Variants in TTLL8 observed in about 807,000 individuals in gnomAD.
The protein encoded by TTLL8 is protein monoglycylase TTLL8.
Under a neutral mutation model 77.8 loss-of-function variants are expected in TTLL8, and 65 were observed. That is an observed-to-expected ratio of 0.84 (90% CI 0.68 to 1.03). The LOEUF is 1.03. Among genes scored for constraint, TTLL8 ranks in the 50% least tolerant of loss-of-function variants. TTLL8 has a pLI of 0.00. For synonymous variants in TTLL8, 402 were observed against 422.8 expected, an observed-to-expected ratio of 0.95 and a Z score of 0.60; for missense variants, 910 against 1,004.5, an observed-to-expected ratio of 0.91 and a Z score of 1.27.
At chr22:50,038,931 T>C (rs1268190191) in intron 8 of TTLL8, among the ~76,000 whole-genome samples, 1 of 152,258 alleles carries the variant, frequency 6.6e-6, no homozygotes, top group Non-Finnish European at 1.5e-5. Context: ...TTTTCTTTTC[T>C]ATTCTGAAAG....
At chr22:50,032,175 C>T (rs909460590) in intron 10 of TTLL8, 66 bp from the exon 12 acceptor site, 17 of 1,291,170 alleles carry the variant, frequency 1.3e-5, no homozygotes, top group South Asian at 1.2e-4. Context: ...AAGGCCGGTC[C>T]TCCCAGCCGT....
chr22:50,023,372 T>A (rs527894368), intron 12 of TTLL8, among the ~76,000 whole-genome samples: 1 of 152,242 alleles, frequency 6.6e-6, no homozygotes, highest in Admixed American at 6.5e-5. Flanking sequence ...TCAATAAACA[T>A]CCCAGCAGGT....
chr22:50,049,946 G>A (rs1221703976), intron 2 of TTLL8, 163 bp downstream of exon 4: 2 of 716,774 alleles, frequency 2.8e-6, no homozygotes, highest in Non-Finnish European at 3.4e-6. Context: ...ACGACCGCCT[G>A]GGGCAGGGAG....
Position 50,041,277 on chromosome 22 carries a change from C to T in TTLL8, c.831G>A (p.Gln277=), listed in dbSNP as rs748400460. ...AGACAATGCTACTCCCCAAAGGCAC[C>T]CTGAGGGGGTATCATCCTCTCAACA... Residue 277 remains glutamine, a splice_region_variant and synonymous_variant, in exon 8 of 14, where the codon CAG becomes CAA. Transcript: ENST00000266182. This position sits in a 1 kb window ranked among gnomAD's most constrained non-coding sequence, Gnocchi z 4.3. 3 of 506,192 alleles carry T rather than the reference C, an allele frequency of 5.9e-6. No homozygotes were observed. Among genetic ancestry groups the T allele is most frequent in the Non-Finnish European group, 1.2e-5 (3 of 251,472 alleles). 31.4% of individuals were successfully genotyped at this position (506,192 alleles called of 1,614,324 possible).
At chr22:50,058,168 G>C (rs1158934299), upstream of TTLL8, among the ~76,000 whole-genome samples, 1 of 151,948 alleles carries the variant, frequency 6.6e-6, no homozygotes, top group Non-Finnish European at 1.5e-5. The surrounding 1 kb of genome is among the most constrained non-coding windows in gnomAD (Gnocchi z 4.2). Flanking sequence ...GACCGGGTCA[G>C]TGGCTCGCGC....
rs746497451 is a variant in TTLL8 at position 50,031,778 on chromosome 22, C to A, written c.1615G>T (p.Ala539Ser). 9 of 1,366,164 alleles carry A rather than the reference C, an allele frequency of 6.6e-6. No homozygotes were observed. The South Asian group carries it at 1.0e-4, about 16-fold the overall frequency. 84.6% of individuals were successfully genotyped at this position (1,366,164 alleles called of 1,614,324 possible). ...TCCTGCACCTGTGCACACAGCTGGG[C>A]CGTGACCGGCGTGGACGGGTGCATG... Residue 539 changes from alanine (A) to serine (S), a missense_variant, in exon 11 of 14, where the codon GCC becomes TCC. Physicochemically the swap from Ala to Ser is moderately conservative, Grantham distance 99 (BLOSUM62 1). This residue lies in a region of TTLL8 where 776 missense variants were observed against 926.1 expected (regional missense o/e 0.84). Transcript: ENST00000266182.
At chr22:50,056,684 G>T, upstream of TTLL8, 1 of 898,906 alleles carries the variant, frequency 1.1e-6, no homozygotes, top group Non-Finnish European at 1.3e-6. The surrounding 1 kb of genome is among the most constrained non-coding windows in gnomAD (Gnocchi z 4.1). Context: ...AGGAGCCAGC[G>T]CCCCCCAACA....
Position 50,046,809 on chromosome 22 carries a change from G to T in TTLL8, c.393+359C>A, listed in dbSNP as rs2061415059. On this transcript the variant is annotated intron_variant, in intron 4 of 13. Transcript: ENST00000266182. ...TGTGCAGGGCTGGAGGCCGGGGGAG[G>T]CGGGGGAGTGCCCGGTGCTGGGGGG... 3.3e-5 allele frequency among the ~76,000 whole-genome samples: 5 copies of T among 152,342 alleles called. No homozygotes were observed. The South Asian group carries it at 1.0e-3, about 32-fold the overall frequency.
chr22:50,033,184 GT>G lies in TTLL8; in HGVS notation c.1283+17del. 7.7e-7 allele frequency: 1 copy of G among 1,302,060 alleles called. No homozygotes were observed. The highest frequency in any genetic ancestry group is 1.0e-6 in the Non-Finnish European group (1 of 984,218). 80.7% of individuals were successfully genotyped at this position (1,302,060 alleles called of 1,614,324 possible). ...CCATTCCCTGGCCCGAGGTGTCCAG[GT>G]CGCCCACCGCACTGACCTGTCCAGC... On this transcript the variant is annotated intron_variant, in intron 10 of 13. Coordinates refer to ENST00000266182, the Ensembl canonical transcript of TTLL8.
rs752033612 is a variant in TTLL8, at chr22:50,041,585, G to A, written c.830+36C>T. ...GCAGCTCCTGCAATCTGCACTCACA[G>A]CTCCGACATGTGCCAGGGGCCTGCG... On this transcript the variant is annotated intron_variant, in intron 7 of 13. Transcript: ENST00000266182. The surrounding 1 kb of genome is among the most constrained non-coding windows in gnomAD (Gnocchi z 4.3). 21 of 1,312,216 alleles carry A rather than the reference G, an allele frequency of 1.6e-5. No homozygotes were observed. The East Asian group carries it at 1.0e-3, about 62-fold the overall frequency. 81.3% of individuals were successfully genotyped at this position (1,312,216 alleles called of 1,614,324 possible).
At position 50,034,185 on chromosome 22, in the gene TTLL8, C is replaced by T. The variant is rs573045091; in HGVS notation, c.1039+160G>A. The T allele has an allele frequency of 2.7e-6, 2 of 730,664 alleles. No homozygotes were observed. Among genetic ancestry groups the T allele is most frequent in the Admixed American group, 6.3e-5 (1 of 16,000 alleles). 45.3% of individuals were successfully genotyped at this position (730,664 alleles called of 1,614,324 possible). On this transcript the variant is annotated intron_variant, in intron 9 of 13. Transcript: ENST00000266182. This position sits in a 1 kb window ranked among gnomAD's most constrained non-coding sequence, Gnocchi z 4.1. ...TGCTGTGAAGACGCCTCCAGCTCTG[C>T]TCCAGCGCCTGAGTCCTGACCCCCA...
At chr22:50,027,339 G>T (rs987764532) in intron 12 of TTLL8, among the ~76,000 whole-genome samples, 67 of 151,384 alleles carry the variant, frequency 4.4e-4, no homozygotes, top group African/African-American at 1.5e-3. Context: ...TTTCCAACCA[G>T]CCTGGCCAAC....
At chr22:50,038,736 C>T (rs893937729) in intron 8 of TTLL8, among the ~76,000 whole-genome samples, 42 of 152,024 alleles carry the variant, frequency 2.8e-4, no homozygotes, top group African/African-American at 9.4e-4. Flanking sequence ...TGCTTGAGCC[C>T]AGGAGTTTGA....
intron 1 of TTLL8, among the ~76,000 whole-genome samples, chr22:50,051,986 C>T (rs1370157241): frequency 1.4e-5 from 2 of 144,924 alleles, no homozygotes; most frequent in African/African-American, 4.9e-5. Context: ...GGCACAATTA[C>T]AGCTGTAGCT....
At chr22:50,028,504 C>T (rs557529220) in intron 12 of TTLL8, among the ~76,000 whole-genome samples, 9 of 152,236 alleles carry the variant, frequency 5.9e-5, no homozygotes, top group East Asian at 1.9e-4. Flanking sequence ...GAGGCATCTC[C>T]GTGAGTGGGT....
In TTLL8 at chr22:50,051,799, G is replaced by A. The variant is rs557951336; in HGVS notation, c.52-1552C>T. Among the ~76,000 whole-genome samples the A allele has an allele frequency of 4.6e-5, 7 of 152,258 alleles. No individual in the cohort carries two copies. In the South Asian group the frequency reaches 8.3e-4, roughly 18 times the overall value. On this transcript the variant is annotated intron_variant, in intron 1 of 13. Coordinates refer to ENST00000266182, the Ensembl canonical transcript of TTLL8. ...TCCCTGAGAATTAGTGATGCTGAGCGCTTTTTCACGTTTGTTGGCTGTTTG... is the reference window on the plus strand; with the variant it reads ...TCCCTGAGAATTAGTGATGCTGAGCACTTTTTCACGTTTGTTGGCTGTTTG...
intron 8 of TTLL8, among the ~76,000 whole-genome samples, chr22:50,040,523 G>A (rs749354146): frequency 5.3e-5 from 8 of 152,236 alleles, no homozygotes; most frequent in Admixed American, 6.5e-5. Flanking sequence ...GGGTTCTCCC[G>A]GGAAAGGTTA....
intron 12 of TTLL8, among the ~76,000 whole-genome samples, chr22:50,020,416 CCTCCATCTGACGTGCACTA>C (rs2061187978): frequency 6.6e-6 from 1 of 151,020 alleles, no homozygotes; most frequent in Non-Finnish European, 1.5e-5. Flanking sequence ...AATGTGTACT[CCTCCATCTGACGTGCACTA>C]CTCCATCTGA....
intron 12 of TTLL8, among the ~76,000 whole-genome samples, chr22:50,021,148 TACTCCTCCATCTGATGTGC>T (rs2061195483): frequency 7.1e-6 from 1 of 140,556 alleles, no homozygotes; most frequent in Non-Finnish European, 1.5e-5. Context: ...TGATGATGTG[TACTCCTCCATCTGATGTGC>T]ACTCCTCCAT....
Sources: gnomAD v4.1 joint callset for allele counts (sites outside exome capture counted in the v4.1 genomes callset) on GRCh38, gnomAD v4.1.1 for gene constraint, gnomAD v4.1.1 regional missense constraint, Gnocchi (gnomAD v3.1) non-coding constraint, MANE v1.5 for transcripts, NCBI Gene and HGNC (gene_info 2026-07-23, HGNC 2026-07-21) for gene names.